ZNF804B: variants seen among roughly 807,000 people sequenced by gnomAD.
ZNF804B encodes zinc finger protein 804B, also known as zinc finger 804B.
ZNF804B carries 80 observed loss-of-function variants against 101.4 expected under a neutral mutation model. That is an observed-to-expected ratio of 0.79 (90% CI 0.66 to 0.95). The LOEUF is 0.95. ZNF804B is among the 40% of genes least tolerant of loss of function. ZNF804B has a pLI of 0.00. For synonymous variants in ZNF804B, 622 were observed against 558.8 expected (o/e 1.11, Z -1.59); for missense variants, 1,673 against 1,561.9 (o/e 1.07, Z -1.20).
chr7:89,188,066 T>C (rs1788400755), intron 1 of ZNF804B, among the ~76,000 whole-genome samples: 1 of 151,988 alleles, frequency 6.6e-6, no homozygotes, highest in Admixed American at 6.6e-5. Flanking sequence ...GCATTTTTTT[T>C]CTTTTTTTTT....
intron 1 of ZNF804B, among the ~76,000 whole-genome samples, chr7:88,855,504 G>A (rs1473536757): frequency 2.6e-5 from 4 of 151,736 alleles, no homozygotes; most frequent in Admixed American, 2.0e-4. Flanking sequence ...CTGGATATTA[G>A]CCCTTTGTCA....
At chr7:89,128,697 A>G (rs1790506295) in intron 1 of ZNF804B, among the ~76,000 whole-genome samples, 1 of 152,044 alleles carries the variant, frequency 6.6e-6, no homozygotes. Context: ...ATATTAACAC[A>G]TAACTAGTTT....
intron 2 of ZNF804B, among the ~76,000 whole-genome samples, chr7:89,236,370 T>C (rs1217339328): frequency 6.6e-6 from 1 of 152,102 alleles, no homozygotes; most frequent in East Asian, 1.9e-4. Context: ...AAATCTAACA[T>C]ATTGAGCCAA....
intron 1 of ZNF804B, among the ~76,000 whole-genome samples, chr7:89,083,260 T>C (rs998092398): frequency 6.6e-6 from 1 of 151,952 alleles, no homozygotes; most frequent in East Asian, 1.9e-4. Flanking sequence ...ACCTACACAG[T>C]ATAATATTAC....
chr7:89,278,464 T>C (rs1343336175), intron 2 of ZNF804B, among the ~76,000 whole-genome samples: 1 of 150,970 alleles, frequency 6.6e-6, no homozygotes, highest in South Asian at 2.1e-4. Context: ...GGTTTTCTTC[T>C]AGGGTTTTTA....
intron 1 of ZNF804B, among the ~76,000 whole-genome samples, chr7:89,007,801 T>G (rs1473682124): frequency 6.6e-6 from 1 of 151,078 alleles, no homozygotes; most frequent in Non-Finnish European, 1.5e-5. Flanking sequence ...TAATAAGAGA[T>G]TCAGTAAAAT....
intron 1 of ZNF804B, among the ~76,000 whole-genome samples, chr7:88,929,906 A>G (rs1792857725): frequency 1.3e-5 from 2 of 151,938 alleles, no homozygotes; most frequent in African/African-American, 4.8e-5. Flanking sequence ...AACCATTTCA[A>G]GTTTTTAACG....
In ZNF804B at chr7:88,865,524, C is replaced by G. The variant is rs563609860; in HGVS notation, c.108+105440C>G. On this transcript the variant is annotated intron_variant, in intron 1 of 3. Transcript: ENST00000333190. ...TCCATCCTGGGTGACAGAGCAAGAC[C>G]CTGTTTCTTCAAAATATTAAATAAA... is the stretch of plus-strand genomic sequence containing the variant. 6.6e-5 allele frequency among the ~76,000 whole-genome samples: 10 copies of G among 152,134 alleles called. No homozygotes were observed. In the South Asian group the frequency reaches 1.7e-3, roughly 25 times the overall value.
At chr7:89,130,225 A>ATG (rs1178525782) in intron 1 of ZNF804B, among the ~76,000 whole-genome samples, 1 of 151,908 alleles carries the variant, frequency 6.6e-6, no homozygotes, top group Non-Finnish European at 1.5e-5. Flanking sequence ...TGCAGGCTGT[A>ATG]TGAGAGAGTT....
chr7:89,240,596 G>A (rs1462871660), intron 2 of ZNF804B, among the ~76,000 whole-genome samples: 2 of 151,550 alleles, frequency 1.3e-5, no homozygotes, highest in Admixed American at 6.6e-5. Context: ...ATTTATAATC[G>A]ACATAGTTCC....
chr7:89,223,490 G>A (rs953299020), intron 2 of ZNF804B, among the ~76,000 whole-genome samples: 12 of 151,578 alleles, frequency 7.9e-5, no homozygotes, highest in East Asian at 3.9e-4. Flanking sequence ...AATTCTAGAC[G>A]AGTAAGTCAA....
chr7:89,047,384 G>C (rs1302274791), intron 1 of ZNF804B, among the ~76,000 whole-genome samples: 1 of 152,118 alleles, frequency 6.6e-6, no homozygotes, highest in Non-Finnish European at 1.5e-5. Flanking sequence ...GGGATAATGT[G>C]TATTAAATTA....
chr7:89,070,963 C>A (rs1789528703), intron 1 of ZNF804B, among the ~76,000 whole-genome samples: 1 of 151,952 alleles, frequency 6.6e-6, no homozygotes, highest in South Asian at 2.1e-4. Context: ...TTCCAGGACC[C>A]CTGTGGATAC....
chr7:89,129,192 C>A lies in ZNF804B; in HGVS notation c.109-88963C>A, dbSNP rs1790511601. ...TGAAGACTATTTTTTACGTTCAGTG[C>A]CCCCTCCTCCATGAATGGATCATTA... On this transcript the variant is annotated intron_variant, in intron 1 of 3. Transcript: ENST00000333190. 3.3e-5 allele frequency among the ~76,000 whole-genome samples: 5 copies of A among 152,084 alleles called. No individual in the cohort carries two copies. The South Asian group carries it at 1.0e-3, about 32-fold the overall frequency.
At chr7:88,858,991 G>C (rs1462310132) in intron 1 of ZNF804B, among the ~76,000 whole-genome samples, 1 of 152,000 alleles carries the variant, frequency 6.6e-6, no homozygotes, top group East Asian at 1.9e-4. Context: ...TGAATGTTTA[G>C]GAATGGATAT....
At chr7:89,212,662 T>G (rs1321924438) in intron 1 of ZNF804B, among the ~76,000 whole-genome samples, 2 of 152,154 alleles carry the variant, frequency 1.3e-5, no homozygotes, top group African/African-American at 4.8e-5. Context: ...CCTTTTCCAT[T>G]GATTAAGAGT....
intron 1 of ZNF804B, among the ~76,000 whole-genome samples, chr7:88,865,003 T>C (rs1219756990): frequency 2.0e-5 from 3 of 150,222 alleles, no homozygotes; most frequent in Non-Finnish European, 4.4e-5. Flanking sequence ...CCAAGGCAGG[T>C]GGATCACCTG....
At chr7:88,865,425 C>T (rs1183809475) in intron 1 of ZNF804B, among the ~76,000 whole-genome samples, 3 of 151,870 alleles carry the variant, frequency 2.0e-5, no homozygotes, top group Non-Finnish European at 4.4e-5. Flanking sequence ...CCAGCTACTC[C>T]TGAGGCTGAG....
At chr7:89,233,411 T>A (rs530032864) in intron 2 of ZNF804B, among the ~76,000 whole-genome samples, 17,738 of 150,730 alleles carry the variant, frequency 0.12, 1,103 homozygotes, top group Middle Eastern at 0.25. Flanking sequence ...ATATATAATG[T>A]ATTTTTTATG....
Sources: allele counts gnomAD v4.1 joint callset (sites outside exome capture counted in the v4.1 genomes callset), GRCh38; gene constraint gnomAD v4.1.1; transcripts MANE v1.5; gene names NCBI Gene and HGNC (gene_info 2026-07-23, HGNC 2026-07-21).